The following CTNNA1 variants were observed in gnomAD, a reference collection of about 807,000 sequenced individuals.
CTNNA1 encodes catenin alpha-1.
CTNNA1 carries 37 observed loss-of-function variants against 98.4 expected under a neutral mutation model. The observed-to-expected ratio is 0.38, with a 90% CI of 0.29 to 0.49. CTNNA1 has a LOEUF of 0.49. Among genes scored for constraint, CTNNA1 ranks in the 20% least tolerant of loss-of-function variants. CTNNA1 has a pLI of 0.95. For synonymous variants in CTNNA1, 404 were observed against 413.2 expected (o/e 0.98, Z 0.27); for missense variants, 761 against 1,147.2 (o/e 0.66, Z 4.86).
intron 1 of CTNNA1, among the ~76,000 whole-genome samples, chr5:138,778,160 A>AT (rs79471391): frequency 0.65 from 97,865 of 150,310 alleles, 32,594 homozygotes; most frequent in East Asian, 0.93. Flanking sequence ...CGCCCGGCTA[A>AT]TTTTTTGGTA....
intron 3 of CTNNA1, among the ~76,000 whole-genome samples, chr5:138,784,399 A>G (rs755833871): frequency 2.1e-4 from 32 of 152,186 alleles, no homozygotes; most frequent in South Asian, 4.1e-4. Context: ...TCTTATGTCA[A>G]ATTCATCCCT....
intron 1 of CTNNA1, among the ~76,000 whole-genome samples, chr5:138,777,001 C>A (rs1326646271): frequency 2.4e-3 from 52 of 21,536 alleles, no homozygotes; most frequent in East Asian, 0.013. Flanking sequence ...CGGGGGCTGA[C>A]CCCCCACCTC....
intron 13 of CTNNA1, 136 bp downstream of exon 13, chr5:138,925,543 G>C: frequency 7.8e-7 from 1 of 1,279,624 alleles, no homozygotes; most frequent in Non-Finnish European, 1.0e-6. Flanking sequence ...GTTAGAATGA[G>C]ATATATTTAA....
At chr5:138,839,352 C>T (rs935271110) in intron 7 of CTNNA1, among the ~76,000 whole-genome samples, 2 of 152,118 alleles carry the variant, frequency 1.3e-5, no homozygotes, top group African/African-American at 2.4e-5. Flanking sequence ...AGGCACCCGC[C>T]ATCACGCCTG....
intron 1 of CTNNA1, among the ~76,000 whole-genome samples, chr5:138,776,734 C>G (rs867961569): frequency 6.7e-5 from 10 of 149,856 alleles, no homozygotes; most frequent in Admixed American, 2.7e-4. Flanking sequence ...CTCCTCACTT[C>G]CCAGTAGGGG....
intron 10 of CTNNA1, among the ~76,000 whole-genome samples, chr5:138,910,025 A>G (rs1213825549): frequency 6.6e-6 from 1 of 151,808 alleles, no homozygotes; most frequent in Admixed American, 6.6e-5. Flanking sequence ...TTCACAGAGA[A>G]CTCAAGGGAG....
At chr5:138,850,705 C>T (rs1477398687) in intron 7 of CTNNA1, among the ~76,000 whole-genome samples, 2 of 152,148 alleles carry the variant, frequency 1.3e-5, no homozygotes, top group Non-Finnish European at 2.9e-5. Flanking sequence ...TATCCAACGA[C>T]TCCTGTGGTC....
intron 7 of CTNNA1, among the ~76,000 whole-genome samples, chr5:138,845,476 A>G (rs565405373): frequency 1.3e-5 from 2 of 152,364 alleles, no homozygotes; most frequent in South Asian, 2.1e-4. Flanking sequence ...GTCACATGCT[A>G]TAGAATGAGG....
At chr5:138,764,235 A>C (rs962158799) in intron 1 of CTNNA1, among the ~76,000 whole-genome samples, 2 of 151,588 alleles carry the variant, frequency 1.3e-5, no homozygotes, top group African/African-American at 4.8e-5. Flanking sequence ...GCATGGTGGC[A>C]CATGCCTGTA....
chr5:138,852,520 A>G (rs1763294256), intron 7 of CTNNA1, among the ~76,000 whole-genome samples: 1 of 151,942 alleles, frequency 6.6e-6, no homozygotes, highest in South Asian at 2.1e-4. Flanking sequence ...GAATCTCATG[A>G]CTACTATAGT....
At chr5:138,871,890 G>A (rs916593814) in intron 7 of CTNNA1, 3 of 152,188 alleles carry the variant, frequency 2.0e-5, no homozygotes, top group Non-Finnish European at 2.9e-5. Flanking sequence ...ATAAGAATCA[G>A]TGTTAAGCCT....
chr5:138,924,368 TG>T, intron 11 of CTNNA1, 141 bp from the exon 12 acceptor site: 1 of 679,716 alleles, frequency 1.5e-6, no homozygotes, highest in African/African-American at 1.8e-5. Context: ...CACTAGTCAC[TG>T]GTCTCTCCAA....
At chr5:138,895,503 TG>T (rs5871685) in intron 9 of CTNNA1, among the ~76,000 whole-genome samples, 52,324 of 146,292 alleles carry the variant, frequency 0.36, 9,825 homozygotes, top group African/African-American at 0.51. Context: ...AGCAGTTTTT[TG>T]GGGGGGGGGA....
rs762957959 is a variant in CTNNA1 at position 138,874,496 on chromosome 5, A to G, written c.1063-11716A>G. The G allele has an allele frequency of 1.9e-6, 3 of 1,609,674 alleles. No individual in the cohort carries two copies. In the African/African-American group the frequency reaches 4.0e-5, roughly 22 times the overall value. ...CAGGGCAGGCAGCATTTTTAAAACC[A>G]TACTCATTGCATATATTGCTGCCAG... On this transcript the variant is annotated intron_variant, in intron 7 of 17. Coordinates refer to ENST00000302763, the MANE Select transcript of CTNNA1 (RefSeq NM_001903.5). This position sits in a 1 kb window ranked among gnomAD's most constrained non-coding sequence, Gnocchi z 4.1.
At chr5:138,794,656 T>C (rs539023652) in intron 3 of CTNNA1, among the ~76,000 whole-genome samples, 33 of 152,226 alleles carry the variant, frequency 2.2e-4, no homozygotes, top group Non-Finnish European at 4.3e-4. Flanking sequence ...CCAATTTGCA[T>C]CTATATTGAC....
At chr5:138,792,920 C>G (rs2149683350) in intron 3 of CTNNA1, among the ~76,000 whole-genome samples, 1 of 152,224 alleles carries the variant, frequency 6.6e-6, no homozygotes. Flanking sequence ...CCTTTGAGTT[C>G]TGGCTTCTCA....
intron 10 of CTNNA1, among the ~76,000 whole-genome samples, chr5:138,905,093 C>CA (rs781709207): frequency 0.038 from 2,199 of 58,104 alleles, 56 homozygotes; most frequent in African/African-American, 0.08. Flanking sequence ...GACTCCGTCT[C>CA]AAAAAAAAAA....
chr5:138,783,811 T>C (rs1755394390), intron 3 of CTNNA1, among the ~76,000 whole-genome samples: 1 of 152,206 alleles, frequency 6.6e-6, no homozygotes, highest in South Asian at 2.1e-4. Flanking sequence ...TGGAAAAATA[T>C]CTACCTACTC....
intron 3 of CTNNA1, among the ~76,000 whole-genome samples, chr5:138,785,977 T>C (rs1329703158): frequency 1.3e-5 from 2 of 152,312 alleles, no homozygotes; most frequent in African/African-American, 4.8e-5. Context: ...GTTTCTCCAG[T>C]GCAAATATGT....
Sources: allele counts gnomAD v4.1 joint callset (sites outside exome capture counted in the v4.1 genomes callset), GRCh38; gene constraint gnomAD v4.1.1; non-coding constraint Gnocchi (gnomAD v3.1); transcripts MANE v1.5; gene names NCBI Gene and HGNC (gene_info 2026-07-23, HGNC 2026-07-21).